Variants in USP53 observed in about 807,000 individuals in gnomAD.
USP53 encodes ubiquitin carboxyl-terminal hydrolase 53.
USP53 carries 71 observed loss-of-function variants against 94.9 expected under a neutral mutation model. The ratio of observed to expected loss-of-function variants is 0.75; its 90% CI spans 0.62 to 0.91. The LOEUF (loss-of-function observed/expected upper bound fraction) is 0.91. Ranked by LOEUF, USP53 falls within the 40% of genes least tolerant of loss-of-function variation. The pLI is 0.00. For synonymous variants in USP53, 375 were observed against 422.7 expected, an observed-to-expected ratio of 0.89 and a Z score of 1.39; for missense variants, 1,173 against 1,281.0, an observed-to-expected ratio of 0.92 and a Z score of 1.29.
At position 119,293,342 on chromosome 4, in the gene USP53, C is replaced by A; in HGVS notation, c.*131C>A. The stretch of plus-strand genomic sequence containing the variant: ...TGACCAACTTTTACTTCTCAGAGGC[C>A]ATTTAAATATAATAGGAACCTACTG... On this transcript the variant is annotated 3_prime_UTR_variant, in exon 19 of 19. Coordinates refer to ENST00000692078, the MANE Select transcript of USP53 (RefSeq NM_001371395.1). 9.5e-7 allele frequency: 1 copy of A among 1,055,996 alleles called. No individual in the cohort carries two copies. The highest frequency in any genetic ancestry group is 1.3e-6 in the Non-Finnish European group (1 of 758,726). 65.4% of individuals were successfully genotyped at this position (1,055,996 alleles called of 1,614,324 possible). A position where few individuals can be genotyped will look rare whatever the true frequency, so the allele number is the denominator to read the frequency against.
At chr4:119,273,396 G>A (rs1752122644) in intron 16 of USP53, 1 of 359,448 alleles carries the variant, frequency 2.8e-6, no homozygotes, top group Non-Finnish European at 5.1e-6. Flanking sequence ...GAAAGATCAG[G>A]ACTTTATAAC....
In USP53 at chr4:119,234,678, C is replaced by A. The variant is rs182922289; in HGVS notation, c.-664-612C>A. Among the ~76,000 whole-genome samples, 380 of 152,190 alleles carry A rather than the reference C, an allele frequency of 2.5e-3. 2 individuals are homozygous for A. The highest frequency in any genetic ancestry group is 8.8e-3 in the African/African-American group (366 of 41,494). The stretch of plus-strand genomic sequence containing the variant: ...ACAAACATGATTAAATTTATTAAAA[C>A]CTTAATTTGTATGCAAGGTTTCAGG... On this transcript the variant is annotated intron_variant, in intron 3 of 18. Transcript: ENST00000692078.
intron 3 of USP53, among the ~76,000 whole-genome samples, chr4:119,230,395 A>G (rs559477720): frequency 6.6e-6 from 1 of 152,208 alleles, no homozygotes; most frequent in African/African-American, 2.4e-5. Flanking sequence ...TATAAACACT[A>G]CCCCTTCCCT....
chr4:119,260,086 A>T (rs1750299599), intron 10 of USP53, among the ~76,000 whole-genome samples, 161 bp downstream of exon 10: 1 of 152,222 alleles, frequency 6.6e-6, no homozygotes, highest in Admixed American at 6.5e-5. Context: ...CATTTATCTT[A>T]GCATAAATTG....
intron 3 of USP53, among the ~76,000 whole-genome samples, chr4:119,226,752 G>A (rs982318204): frequency 1.3e-5 from 2 of 152,046 alleles, no homozygotes; most frequent in Non-Finnish European, 2.9e-5. Context: ...TAAAGTAATG[G>A]CAAAAAGCAC....
At position 119,295,346 on chromosome 4, in the gene USP53, CTATT is replaced by C. The variant is rs1233292361; in HGVS notation, c.*2141_*2144del. On this transcript the variant is annotated 3_prime_UTR_variant, in exon 19 of 19. Transcript: ENST00000692078. Reference sequence around the variant, plus strand: ...TGTAAAAGTTTTACATCTAGGGTGCCTATTTATTTTTATAGATGCTTTCATCCAG... The same window carrying C: ...TGTAAAAGTTTTACATCTAGGGTGCCTATTTTTATAGATGCTTTCATCCAG... The C allele has an allele frequency of 2.0e-5, 3 of 152,016 alleles. No homozygotes were observed. Among genetic ancestry groups the C allele is most frequent in the East Asian group, 1.9e-4 (1 of 5,182 alleles). 9.4% of individuals were successfully genotyped at this position (152,016 alleles called of 1,614,324 possible). A position where few individuals can be genotyped will look rare whatever the true frequency, so the allele number is the denominator to read the frequency against.
At chr4:119,268,465 C>T (rs1304568516) in intron 14 of USP53, 45 bp downstream of exon 14, 1 of 1,525,686 alleles carries the variant, frequency 6.6e-7, no homozygotes, top group East Asian at 2.3e-5. Context: ...AAGTGAGTGT[C>T]CTCCTTTCTT....
At chr4:119,259,280 C>CAAAAAAAAAA (rs11348254) in intron 9 of USP53, among the ~76,000 whole-genome samples, 1 of 119,406 alleles carries the variant, frequency 8.4e-6, no homozygotes, top group Middle Eastern at 4.3e-3. Flanking sequence ...GACCCCATCT[C>CAAAAAAAAAA]AAAAAAAAAA....
chr4:119,239,915 A>C lies in USP53; in HGVS notation c.144+12A>C, dbSNP rs1195487357. 8 of 1,424,914 alleles carry C rather than the reference A, an allele frequency of 5.6e-6. No homozygotes were observed. The highest frequency in any genetic ancestry group is 7.4e-6 in the Non-Finnish European group (8 of 1,080,816). The allele number at this position is 1,424,914 out of a possible 1,614,324, so 88.3% of individuals were successfully genotyped here. ...ATAGCGCTGTACAGGTGAGACCATA[A>C]TTACTTATTACATTAAAAAAAATAC... On this transcript the variant is annotated intron_variant, in intron 5 of 18. Coordinates refer to ENST00000692078, the MANE Select transcript of USP53 (RefSeq NM_001371395.1).
rs997233880 is a variant in USP53 at position 119,256,928 on chromosome 4, G to A, written c.569+405G>A. Among the ~76,000 whole-genome samples, 36 of 152,206 alleles carry A rather than the reference G, an allele frequency of 2.4e-4. 1 individual carries two copies. Among genetic ancestry groups the A allele is most frequent in the Middle Eastern group, 3.4e-3 (1 of 294 alleles). ...TCTGGTGATAAAAGCTAGGGTAAGC[G>A]GAGAAGAAAGAAAAATGTGAGCGTA... On this transcript the variant is annotated intron_variant, in intron 9 of 18. Coordinates refer to ENST00000692078, the MANE Select transcript of USP53 (RefSeq NM_001371395.1).
chr4:119,214,552 G>A (rs1261804200), intron 2 of USP53, among the ~76,000 whole-genome samples: 1 of 149,694 alleles, frequency 6.7e-6, no homozygotes, highest in Non-Finnish European at 1.5e-5. Context: ...GCATAAGATA[G>A]TTTTAAAAAA....
intron 7 of USP53, among the ~76,000 whole-genome samples, chr4:119,249,811 C>T (rs1748728809): frequency 6.6e-6 from 1 of 151,752 alleles, no homozygotes. Flanking sequence ...ACTACAGGTG[C>T]CCGCCACCAT....
intron 17 of USP53, among the ~76,000 whole-genome samples, chr4:119,275,321 G>A (rs1578545005): frequency 8.5e-6 from 1 of 117,570 alleles, no homozygotes; most frequent in East Asian, 2.5e-4. Flanking sequence ...CATATGGCTA[G>A]CCAGTTTTCC....
chr4:119,278,550 A>C (rs1442104657), intron 17 of USP53, among the ~76,000 whole-genome samples: 2 of 134,920 alleles, frequency 1.5e-5, no homozygotes, highest in African/African-American at 5.5e-5. Context: ...CCTTCATTTC[A>C]ACTTTGGTGA....
intron 17 of USP53, among the ~76,000 whole-genome samples, chr4:119,280,872 A>G (rs1753435887): frequency 6.6e-6 from 1 of 152,142 alleles, no homozygotes; most frequent in Admixed American, 6.6e-5. Flanking sequence ...AACTCTTAAA[A>G]CTTCAAACCC....
chr4:119,246,604 T>C (rs1446687664), intron 6 of USP53, among the ~76,000 whole-genome samples: 3 of 152,230 alleles, frequency 2.0e-5, no homozygotes, highest in Non-Finnish European at 4.4e-5. Context: ...AATAAATAAC[T>C]ATAACAGGGG....
chr4:119,251,671 C>A (rs1201594811), intron 7 of USP53, among the ~76,000 whole-genome samples: 1 of 152,140 alleles, frequency 6.6e-6, no homozygotes, highest in East Asian at 1.9e-4. Flanking sequence ...TACCCTTCAT[C>A]ACTTTCTCTT....
intron 3 of USP53, among the ~76,000 whole-genome samples, chr4:119,224,175 T>G (rs1293720057): frequency 6.6e-6 from 1 of 152,130 alleles, no homozygotes; most frequent in Non-Finnish European, 1.5e-5. Flanking sequence ...GATTTTTGTA[T>G]TTTTAGTAGA....
rs1578490102 is a variant in USP53, at chr4:119,256,268, A to G, written c.395A>G (p.His132Arg). ...TAGGAAAATATGTTGGAGAGGATTC[A>G]TTTTCACATAGTGCCAAGCAGAGAT... ...ECFENMLERI[H>R]FHIVPSRDAD... The change falls in exon 8 of 19, where the codon CAT (histidine) becomes CGT (arginine). Residue 132 changes from histidine (H) to arginine (R), a missense_variant. Coordinates refer to ENST00000692078, the MANE Select transcript of USP53 (RefSeq NM_001371395.1). 6.2e-7 allele frequency: 1 copy of G among 1,612,650 alleles called. No homozygotes were observed. The highest frequency in any genetic ancestry group is 8.5e-7 in the Non-Finnish European group (1 of 1,179,618).
Sources: gnomAD v4.1 joint callset for allele counts (sites outside exome capture counted in the v4.1 genomes callset) on GRCh38, gnomAD v4.1.1 for gene constraint, MANE v1.5 for transcripts, NCBI Gene and HGNC (gene_info 2026-07-23, HGNC 2026-07-21) for gene names.